The following HIBCH variants were observed in gnomAD, a reference collection of about 807,000 sequenced individuals.
HIBCH encodes the protein 3-hydroxyisobutyryl-CoA hydrolase, mitochondrial.
HIBCH carries 50 observed loss-of-function variants against 58.2 expected under a neutral mutation model. That is an observed-to-expected ratio of 0.86 (90% CI 0.68 to 1.09). The LOEUF (loss-of-function observed/expected upper bound fraction) is 1.09. Among genes scored for constraint, HIBCH ranks in the 50% least tolerant of loss-of-function variants. The pLI, the probability that HIBCH is intolerant of heterozygous loss-of-function variation, is 0.00. For synonymous variants in HIBCH, 151 were observed against 146.9 expected, an observed-to-expected ratio of 1.03 and a Z score of -0.20; for missense variants, 450 against 449.7, an observed-to-expected ratio of 1.00 and a Z score of -0.01.
chr2:190,293,104 A>G (rs1461945749), intron 4 of HIBCH, among the ~76,000 whole-genome samples: 1 of 152,234 alleles, frequency 6.6e-6, no homozygotes, highest in African/African-American at 2.4e-5. Flanking sequence ...AAAAGCTAAT[A>G]AACTCAATAC....
intron 11 of HIBCH, among the ~76,000 whole-genome samples, chr2:190,218,174 CAAATATCT>C (rs1487839189): frequency 1.3e-5 from 2 of 150,146 alleles, no homozygotes; most frequent in African/African-American, 4.9e-5. Flanking sequence ...CACAAGCAGA[CAAATATCT>C]ATGTCCTAAA....
At chr2:190,272,852 T>C (rs1687439539) in intron 6 of HIBCH, among the ~76,000 whole-genome samples, 1 of 151,880 alleles carries the variant, frequency 6.6e-6, no homozygotes, top group Non-Finnish European at 1.5e-5. Context: ...AAAGGGTAGA[T>C]GGAAATGGGG....
chr2:190,234,231 A>C (rs1233605795), intron 11 of HIBCH, among the ~76,000 whole-genome samples: 1 of 152,218 alleles, frequency 6.6e-6, no homozygotes, highest in Non-Finnish European at 1.5e-5. Context: ...AACTGATACA[A>C]CTATATTAGA....
At position 190,207,051 on chromosome 2, in the gene HIBCH, G is replaced by C. The variant is rs1690408777; in HGVS notation, c.1046-1819C>G. On this transcript the variant is annotated intron_variant, in intron 13 of 13. Coordinates refer to ENST00000359678, the MANE Select transcript of HIBCH (RefSeq NM_014362.4). This position sits in a 1 kb window ranked among gnomAD's most constrained non-coding sequence, Gnocchi z 4.5. ...GCAGGAGAATGGTGTGAACCCGGGA[G>C]GCGGAGTTTGCAGTGAGCCGAGATT... is the stretch of plus-strand genomic sequence containing the variant. 6.6e-6 allele frequency among the ~76,000 whole-genome samples: 1 copy of C among 152,138 alleles called. No individual in the cohort carries two copies. Among genetic ancestry groups the C allele is most frequent in the Non-Finnish European group, 1.5e-5 (1 of 68,024 alleles).
intron 13 of HIBCH, 109 bp downstream of exon 13, chr2:190,208,771 C>A: frequency 2.3e-6 from 2 of 882,260 alleles, no homozygotes; most frequent in Non-Finnish European, 3.7e-6. Context: ...GATTTTGGTA[C>A]ATTTTGGATT....
chr2:190,193,662 A>T (rs1689823669), intron 1 of HIBCH, among the ~76,000 whole-genome samples: 1 of 152,150 alleles, frequency 6.6e-6, no homozygotes, highest in African/African-American at 2.4e-5. Flanking sequence ...TTTGCCTTTT[A>T]AACGTATATA....
At position 190,243,275 on chromosome 2, in the gene HIBCH, GA is replaced by G. The variant is rs1686505365; in HGVS notation, c.891+1611del. ...CAGCCTGTATCTTTCTCCCATGCTG[GA>G]TGCTTCCTGCCCTTGAACATCAGAC... is the stretch of plus-strand genomic sequence containing the variant. On this transcript the variant is annotated intron_variant, in intron 11 of 13. Transcript: ENST00000359678. The surrounding 1 kb of genome is among the most constrained non-coding windows in gnomAD (Gnocchi z 4.1). Among the ~76,000 whole-genome samples the G allele has an allele frequency of 6.6e-6, 1 of 152,174 alleles. No homozygotes were observed. The highest frequency in any genetic ancestry group is 6.5e-5 in the Admixed American group (1 of 15,276).
In HIBCH at chr2:190,209,786, G is replaced by A. The variant is rs374231676; in HGVS notation, c.1012-873C>T. Among the ~76,000 whole-genome samples, 369 of 152,244 alleles carry A rather than the reference G, an allele frequency of 2.4e-3. 2 individuals carry two copies. The highest frequency in any genetic ancestry group is 0.01 in the Middle Eastern group (3 of 294). On this transcript the variant is annotated intron_variant, in intron 12 of 13. Coordinates refer to ENST00000359678, the MANE Select transcript of HIBCH (RefSeq NM_014362.4). The surrounding 1 kb of genome is among the most constrained non-coding windows in gnomAD (Gnocchi z 5.6). ...TCACTTTTATTTTCCTAGAATCATC[G>A]ATGTAGGCAATATAGCTGAGTTCAA...
chr2:190,200,310 G>A (rs1690190630), downstream of HIBCH: 1 of 640,218 alleles, frequency 1.6e-6, no homozygotes, highest in South Asian at 2.0e-5. Flanking sequence ...TGCATTTTAA[G>A]TACTTCTATG....
At chr2:190,275,616 A>G (rs189443876) in intron 6 of HIBCH, among the ~76,000 whole-genome samples, 2 of 152,356 alleles carry the variant, frequency 1.3e-5, no homozygotes, top group Admixed American at 1.3e-4. Context: ...TGTGTAGAAG[A>G]AAAGTAAAAT....
intron 5 of HIBCH, among the ~76,000 whole-genome samples, chr2:190,289,523 G>A (rs1407745474): frequency 6.6e-6 from 1 of 152,026 alleles, no homozygotes; most frequent in Non-Finnish European, 1.5e-5. Context: ...GTTGCTTCTG[G>A]GGAAAGTAAT....
At chr2:190,274,635 G>A (rs1329510998) in intron 6 of HIBCH, among the ~76,000 whole-genome samples, 1 of 152,132 alleles carries the variant, frequency 6.6e-6, no homozygotes, top group Non-Finnish European at 1.5e-5. Context: ...ACCAACAAGA[G>A]AAAAACAGTT....
intron 13 of HIBCH, among the ~76,000 whole-genome samples, chr2:190,208,440 A>C (rs1375681819): frequency 6.6e-6 from 1 of 152,224 alleles, no homozygotes; most frequent in African/African-American, 2.4e-5. Flanking sequence ...TAGGGGCAGG[A>C]TTACCTTATA....
intron 11 of HIBCH, among the ~76,000 whole-genome samples, chr2:190,225,364 G>C (rs1244101262): frequency 6.6e-6 from 1 of 152,132 alleles, no homozygotes; most frequent in Non-Finnish European, 1.5e-5. Context: ...AAAATTGATA[G>C]ACAGCTAGCA....
intron 6 of HIBCH, among the ~76,000 whole-genome samples, chr2:190,263,167 C>T (rs1245645090): frequency 6.6e-6 from 1 of 152,070 alleles, no homozygotes; most frequent in East Asian, 1.9e-4. Flanking sequence ...AAAAAGGCTC[C>T]AAAGTCTTCA....
chr2:190,293,032 T>C (rs1045812748), intron 4 of HIBCH, among the ~76,000 whole-genome samples: 2 of 152,234 alleles, frequency 1.3e-5, no homozygotes, highest in African/African-American at 4.8e-5. Flanking sequence ...CTACAACTTG[T>C]AGCTGTTATT....
chr2:190,296,560 A>T (rs1688108099), intron 3 of HIBCH, among the ~76,000 whole-genome samples: 3 of 152,234 alleles, frequency 2.0e-5, no homozygotes, highest in Non-Finnish European at 2.9e-5. Context: ...GACAGAACAC[A>T]AAAAGAAACT....
At chr2:190,258,599 G>C (rs1007194840) in intron 7 of HIBCH, among the ~76,000 whole-genome samples, 2 of 152,146 alleles carry the variant, frequency 1.3e-5, no homozygotes, top group Admixed American at 6.5e-5. Flanking sequence ...CCTGGATGTT[G>C]GATAGATTCA....
rs771603346 is a variant in HIBCH at position 190,316,004 on chromosome 2, G to C, written c.35+3712C>G. ...ACTAAAGGTATATCTTATGCCACATGCATGTACAATCACTGAGACACTGGA... is the reference window on the plus strand; with the variant it reads ...ACTAAAGGTATATCTTATGCCACATCCATGTACAATCACTGAGACACTGGA... On this transcript the variant is annotated intron_variant, in intron 1 of 13. Coordinates refer to ENST00000359678, the MANE Select transcript of HIBCH (RefSeq NM_014362.4). 1.8e-4 allele frequency among the ~76,000 whole-genome samples: 28 copies of C among 152,196 alleles called. 1 individual carries two copies. Among genetic ancestry groups the C allele is most frequent in the Non-Finnish European group, 3.2e-4 (22 of 68,032 alleles).
Sources: gnomAD v4.1 joint callset for allele counts (sites outside exome capture counted in the v4.1 genomes callset) on GRCh38, gnomAD v4.1.1 for gene constraint, Gnocchi (gnomAD v3.1) non-coding constraint, MANE v1.5 for transcripts, NCBI Gene and HGNC (gene_info 2026-07-23, HGNC 2026-07-21) for gene names.